ABCC5: variants seen among roughly 807,000 people sequenced by gnomAD.
The protein encoded by ABCC5 is ATP-binding cassette sub-family C member 5.
ABCC5 carries 61 observed loss-of-function variants against 160.9 expected under a neutral mutation model. The observed-to-expected ratio is 0.38, with a 90% CI of 0.31 to 0.47. The LOEUF (loss-of-function observed/expected upper bound fraction) is 0.47. ABCC5 is among the 20% of genes least tolerant of loss of function. The pLI, the probability that ABCC5 is intolerant of heterozygous loss-of-function variation, is 0.99. For synonymous variants in ABCC5, 666 were observed against 700.6 expected, an observed-to-expected ratio of 0.95 and a Z score of 0.78; for missense variants, 1,308 against 1,813.3, an observed-to-expected ratio of 0.72 and a Z score of 5.06.
chr3:183,938,746 C>CT (rs992917406), intron 25 of ABCC5, among the ~76,000 whole-genome samples: 4 of 152,170 alleles, frequency 2.6e-5, no homozygotes, highest in African/African-American at 9.7e-5. Context: ...GACAAGATGT[C>CT]TTTTTTCTCC....
rs542920920 is a variant in ABCC5 at position 183,943,904 on chromosome 3, C to T, written c.3505-988G>A. Reference sequence around the variant, plus strand: ...CCAGGACAGTGTGCAAAGAGGCTAACTTCTAAACATGAAAGAAGAGCTATT... The same window carrying T: ...CCAGGACAGTGTGCAAAGAGGCTAATTTCTAAACATGAAAGAAGAGCTATT... On this transcript the variant is annotated intron_variant, in intron 24 of 29. Transcript: ENST00000334444. Among the ~76,000 whole-genome samples, 106 of 152,310 alleles carry T rather than the reference C, an allele frequency of 7.0e-4. 1 individual carries two copies. The highest frequency in any genetic ancestry group is 2.5e-3 in the African/African-American group (104 of 41,580).
At chr3:183,996,282 T>C (rs931744159) in intron 2 of ABCC5, among the ~76,000 whole-genome samples, 1 of 152,182 alleles carries the variant, frequency 6.6e-6, no homozygotes, top group Non-Finnish European at 1.5e-5. Context: ...CTCCGATCTG[T>C]AAGACTATTC....
chr3:183,965,065 A>AT, intron 14 of ABCC5, 120 bp downstream of exon 14: 1 of 986,300 alleles, frequency 1.0e-6, no homozygotes, highest in Non-Finnish European at 1.5e-6. Context: ...CAAAGGCCTA[A>AT]TGACAGCCTA....
chr3:183,969,303 CG>C (rs1717519377), intron 11 of ABCC5, among the ~76,000 whole-genome samples: 1 of 152,168 alleles, frequency 6.6e-6, no homozygotes, highest in South Asian at 2.1e-4. Context: ...TTTAGCTGCA[CG>C]TGTGGAATCA....
chr3:184,007,637 C>A (rs956140673), intron 2 of ABCC5, among the ~76,000 whole-genome samples: 22 of 151,908 alleles, frequency 1.4e-4, no homozygotes, highest in African/African-American at 5.3e-4. Flanking sequence ...ACCAGCCTGG[C>A]TAACATGGTG....
intron 14 of ABCC5, 75 bp downstream of exon 14, chr3:183,965,110 T>C (rs1005798019): frequency 5.3e-5 from 78 of 1,478,224 alleles, no homozygotes; most frequent in Middle Eastern, 4.5e-4. Context: ...AGCATTTCAG[T>C]TGCACTCCCA....
At chr3:183,938,672 T>A (rs1713987870) in intron 25 of ABCC5, among the ~76,000 whole-genome samples, 1 of 152,164 alleles carries the variant, frequency 6.6e-6, no homozygotes, top group Admixed American at 6.5e-5. Flanking sequence ...CAGAGCTGAA[T>A]GCTTCTTAGG....
rs1715371702 is a variant in ABCC5 at position 183,951,762 on chromosome 3, G to A, written c.2814+95C>T. On this transcript the variant is annotated intron_variant, in intron 19 of 29. Transcript: ENST00000334444. The surrounding 1 kb of genome is among the most constrained non-coding windows in gnomAD (Gnocchi z 4.7). ...TCAGCCAGGGCCATCCTGGTTAAGG[G>A]AGCTCCCCTACTCAGCATGAACTGA... The A allele has an allele frequency of 3.9e-6, 6 of 1,530,186 alleles. No individual in the cohort carries two copies. The highest frequency in any genetic ancestry group is 4.5e-5 in the East Asian group (2 of 44,068). The allele number at this position is 1,530,186 out of a possible 1,614,324, so 94.8% of individuals were successfully genotyped here.
rs553444939 is a variant in ABCC5, at chr3:183,936,133, A to G, written c.3854+1768T>C. Among the ~76,000 whole-genome samples, 5 of 152,252 alleles carry G rather than the reference A, an allele frequency of 3.3e-5. No individual in the cohort carries two copies. The South Asian group carries it at 6.2e-4, about 19-fold the overall frequency. On this transcript the variant is annotated intron_variant, in intron 26 of 29. Transcript: ENST00000334444. The stretch of plus-strand genomic sequence containing the variant: ...GTGGGGCCTCAAGAAGAGGAGACAC[A>G]AGAGCTCTCCTTTCCGCGGGCACAC...
Position 183,926,158 on chromosome 3 carries a change from T to TTTC in ABCC5, c.4048-440_4048-439insGAA, listed in dbSNP as rs1175459487. On this transcript the variant is annotated intron_variant, in intron 28 of 29. Transcript: ENST00000334444. ...CAGCCTATTGTTTTTTTTTTTTTTT[T>TTTC]CTAAGAAAGCACGCATATATGTAAA... Among the ~76,000 whole-genome samples, 334 of 149,566 alleles carry TTTC rather than the reference T, an allele frequency of 2.2e-3. 2 individuals carry two copies. Among genetic ancestry groups the TTTC allele is most frequent in the Non-Finnish European group, 3.5e-3 (233 of 67,508 alleles).
rs749016700 is a variant in ABCC5, at chr3:183,965,277, A to G, written c.1959-20T>C. Reference sequence around the variant, plus strand: ...TTGTATCTGGAGGACACAAAGAGACAGCGTCAGGGACACGGCGGGAGCAGA... The same window carrying G: ...TTGTATCTGGAGGACACAAAGAGACGGCGTCAGGGACACGGCGGGAGCAGA... On this transcript the variant is annotated intron_variant, in intron 13 of 29. Coordinates refer to ENST00000334444, the MANE Select transcript of ABCC5 (RefSeq NM_005688.4). 4 of 1,614,090 alleles carry G rather than the reference A, an allele frequency of 2.5e-6. No individual in the cohort carries two copies. Among genetic ancestry groups the G allele is most frequent in the Non-Finnish European group, 3.4e-6 (4 of 1,180,008 alleles).
At chr3:183,992,782 C>T (rs1034850445) in intron 2 of ABCC5, among the ~76,000 whole-genome samples, 2 of 151,400 alleles carry the variant, frequency 1.3e-5, no homozygotes, top group South Asian at 2.1e-4. Context: ...GAGCGAGACT[C>T]CGTCTCAAAA....
intron 25 of ABCC5, among the ~76,000 whole-genome samples, chr3:183,938,753 C>T (rs1713995113): frequency 6.6e-6 from 1 of 152,208 alleles, no homozygotes; most frequent in South Asian, 2.1e-4. Flanking sequence ...TGTCTTTTTT[C>T]TCCCTACCCC....
intron 20 of ABCC5, among the ~76,000 whole-genome samples, chr3:183,950,657 T>C (rs1182340965): frequency 6.6e-6 from 1 of 152,224 alleles, no homozygotes. Context: ...TATTATTTAC[T>C]TTTTTTCTTT....
chr3:183,932,255 A>G (rs928031886), intron 26 of ABCC5, among the ~76,000 whole-genome samples: 2 of 152,228 alleles, frequency 1.3e-5, no homozygotes, highest in African/African-American at 2.4e-5. Context: ...GTATGCAGAA[A>G]TACGGACTGA....
chr3:183,930,929 C>T (rs903414029), intron 26 of ABCC5, among the ~76,000 whole-genome samples: 2 of 152,160 alleles, frequency 1.3e-5, no homozygotes, highest in African/African-American at 2.4e-5. Context: ...AGGCATGGAG[C>T]CCCCTTTCAT....
Position 183,921,252 on chromosome 3 carries a change from G to A in ABCC5, c.*48C>T. Reference sequence around the variant, plus strand: ...CGCGATGAGGGGCCCGCCCCAGGCAGGGAATGGCAATGCTCTAAAGAAAAG... The same window carrying A: ...CGCGATGAGGGGCCCGCCCCAGGCAAGGAATGGCAATGCTCTAAAGAAAAG... On this transcript the variant is annotated 3_prime_UTR_variant, in exon 30 of 30. Coordinates refer to ENST00000334444, the MANE Select transcript of ABCC5 (RefSeq NM_005688.4). This position sits in a 1 kb window ranked among gnomAD's most constrained non-coding sequence, Gnocchi z 4.1. The A allele has an allele frequency of 8.8e-7, 1 of 1,142,354 alleles. No individual in the cohort carries two copies. The highest frequency in any genetic ancestry group is 2.5e-5 in the East Asian group (1 of 40,062). The allele number at this position is 1,142,354 out of a possible 1,614,324, so 70.8% of individuals were successfully genotyped here. A position where few individuals can be genotyped will look rare whatever the true frequency, so the allele number is the denominator to read the frequency against.
intron 16 of ABCC5, among the ~76,000 whole-genome samples, chr3:183,960,576 G>A (rs1716625068): frequency 1.3e-5 from 2 of 152,140 alleles, no homozygotes; most frequent in South Asian, 4.1e-4. Flanking sequence ...ATTTGTAAGT[G>A]CTTGTAAGAG....
chr3:183,970,439 C>CT (rs66475303), intron 11 of ABCC5, among the ~76,000 whole-genome samples: 328 of 145,228 alleles, frequency 2.3e-3, no homozygotes, highest in Middle Eastern at 0.011. Flanking sequence ...CCTCACCCAC[C>CT]TTTTTTTTTT....
Sources: gnomAD v4.1 joint callset for allele counts (sites outside exome capture counted in the v4.1 genomes callset) on GRCh38, gnomAD v4.1.1 for gene constraint, Gnocchi (gnomAD v3.1) non-coding constraint, MANE v1.5 for transcripts, NCBI Gene and HGNC (gene_info 2026-07-23, HGNC 2026-07-21) for gene names.